The following MCTP1 variants were observed in gnomAD, a reference collection of about 807,000 sequenced individuals.
The protein encoded by MCTP1 is multiple C2 and transmembrane domain containing 1.
A neutral mutation model predicts 120.6 loss-of-function variants in MCTP1; 69 were observed. The ratio of observed to expected loss-of-function variants is 0.57; its 90% confidence interval spans 0.47 to 0.70. MCTP1 has a LOEUF of 0.70. Ranked by LOEUF, MCTP1 falls within the 30% of genes least tolerant of loss-of-function variation. The pLI is 0.00. For synonymous variants in MCTP1, 529 were observed against 493.1 expected, an observed-to-expected ratio of 1.07 and a Z score of -0.96; for missense variants, 1,203 against 1,248.8, an observed-to-expected ratio of 0.96 and a Z score of 0.55.
rs1797734996 is a variant in MCTP1, at chr5:94,870,939, T to C, written c.2174A>G (p.Lys725Arg). ...TGTTGGCCCTGTCAGCTGCTTGTTT[T>C]TCAAGACGTAGGCTTTCTGTTCACC... ...QNGEQKAYVL[K>R]NKQLTGPTKG... Residue 725 changes from lysine (K) to arginine (R), a missense_variant, in exon 15 of 23, where the codon AAA becomes AGA. Physicochemically the swap from Lys to Arg is conservative, Grantham distance 26. Coordinates refer to ENST00000515393, the MANE Select transcript of MCTP1 (RefSeq NM_024717.7). 6.2e-7 allele frequency: 1 copy of C among 1,613,136 alleles called. No homozygotes were observed. The highest frequency in any genetic ancestry group is 1.1e-5 in the South Asian group (1 of 91,074).
chr5:94,723,834 C>T (rs1240258269), intron 19 of MCTP1, among the ~76,000 whole-genome samples: 3 of 150,536 alleles, frequency 2.0e-5, no homozygotes, highest in Non-Finnish European at 4.4e-5. Context: ...GCAGCTGGCA[C>T]TCTAAATGTT....
At chr5:95,270,421 T>C (rs768539053) in intron 1 of MCTP1, among the ~76,000 whole-genome samples, 2 of 152,264 alleles carry the variant, frequency 1.3e-5, no homozygotes, top group Non-Finnish European at 2.9e-5. Flanking sequence ...ACACTTAGAA[T>C]AGTGCCTTAT....
intron 17 of MCTP1, among the ~76,000 whole-genome samples, chr5:94,809,477 C>G (rs536082925): frequency 5.7e-4 from 86 of 152,212 alleles, no homozygotes; most frequent in African/African-American, 1.9e-3. Context: ...ATGAAAGTGA[C>G]AAATGCTTAT....
intron 19 of MCTP1, among the ~76,000 whole-genome samples, chr5:94,722,855 G>A (rs1761222856): frequency 1.3e-5 from 2 of 152,124 alleles, no homozygotes; most frequent in South Asian, 4.1e-4. Flanking sequence ...TTTGGAATAT[G>A]TTTATGTTTC....
chr5:95,169,092 G>C (rs1217674027), intron 1 of MCTP1, among the ~76,000 whole-genome samples: 1 of 152,270 alleles, frequency 6.6e-6, no homozygotes, highest in East Asian at 1.9e-4. Context: ...AATTTATTGA[G>C]TTTTTATCAT....
intron 1 of MCTP1, among the ~76,000 whole-genome samples, chr5:95,252,383 C>G (rs1334831982): frequency 6.6e-6 from 1 of 152,106 alleles, no homozygotes; most frequent in East Asian, 1.9e-4. Context: ...AAAGATGGTT[C>G]TCTGTTCTCT....
intron 17 of MCTP1, among the ~76,000 whole-genome samples, chr5:94,836,735 C>T (rs991931075): frequency 6.6e-6 from 1 of 152,140 alleles, no homozygotes; most frequent in East Asian, 1.9e-4. Context: ...ATAAAATTTG[C>T]AATTTCCTAT....
chr5:94,826,203 G>T (rs934945093), intron 17 of MCTP1: 103 of 407,466 alleles, frequency 2.5e-4, no homozygotes, highest in Non-Finnish European at 3.2e-4. Flanking sequence ...CAAGCAATTT[G>T]CTTCTTATTG....
At chr5:94,919,504 C>A (rs1055040559) in intron 7 of MCTP1, among the ~76,000 whole-genome samples, 3 of 152,094 alleles carry the variant, frequency 2.0e-5, no homozygotes, top group African/African-American at 7.2e-5. Context: ...CTGTGTACAA[C>A]CTAATCTTTC....
chr5:95,254,332 T>C (rs968039131), intron 1 of MCTP1, among the ~76,000 whole-genome samples: 20 of 152,164 alleles, frequency 1.3e-4, no homozygotes, highest in African/African-American at 4.6e-4. Flanking sequence ...AGTACCCCTA[T>C]GAGACAATTA....
At chr5:95,143,393 A>G (rs555112070) in intron 1 of MCTP1, among the ~76,000 whole-genome samples, 76 of 152,106 alleles carry the variant, frequency 5.0e-4, no homozygotes, top group African/African-American at 1.7e-3. Flanking sequence ...CAGAAATGCA[A>G]CTCCTCAGCT....
At chr5:94,814,296 A>G (rs552338665) in intron 17 of MCTP1, among the ~76,000 whole-genome samples, 4 of 152,326 alleles carry the variant, frequency 2.6e-5, no homozygotes, top group Admixed American at 2.6e-4. Flanking sequence ...AATACAAATA[A>G]CTGAGAGAAA....
In MCTP1 at chr5:94,962,290, C is replaced by T. The variant is rs558450769; in HGVS notation, c.839-8929G>A. Among the ~76,000 whole-genome samples, 114 of 152,058 alleles carry T rather than the reference C, an allele frequency of 7.5e-4. No homozygotes were observed. In the South Asian group the frequency reaches 9.4e-3, roughly 12 times the overall value. On this transcript the variant is annotated intron_variant, in intron 2 of 22. Coordinates refer to ENST00000515393, the MANE Select transcript of MCTP1 (RefSeq NM_024717.7). ...ACTATTTAATCCAACAATCCCACTACGGGGTATCTGCCCACAGGAAAAGAT... is the reference window on the plus strand; with the variant it reads ...ACTATTTAATCCAACAATCCCACTATGGGGTATCTGCCCACAGGAAAAGAT...
At chr5:95,091,216 A>G in intron 1 of MCTP1, among the ~76,000 whole-genome samples, 1 of 152,090 alleles carries the variant, frequency 6.6e-6, no homozygotes, top group East Asian at 1.9e-4. Context: ...GCTAAGAGCC[A>G]ATTGTTCTCC....
At chr5:95,006,281 A>G (rs1031808723) in intron 2 of MCTP1, among the ~76,000 whole-genome samples, 1 of 151,728 alleles carries the variant, frequency 6.6e-6, no homozygotes, top group Non-Finnish European at 1.5e-5. Flanking sequence ...ACACATATAC[A>G]TATATATGTA....
chr5:95,102,637 G>C (rs1756820490), intron 1 of MCTP1, among the ~76,000 whole-genome samples: 1 of 152,142 alleles, frequency 6.6e-6, no homozygotes, highest in African/African-American at 2.4e-5. Flanking sequence ...AAAGAACCCA[G>C]GGACTAGCAG....
intron 1 of MCTP1, among the ~76,000 whole-genome samples, chr5:95,282,506 T>C (rs922040041): frequency 3.3e-5 from 5 of 152,316 alleles, no homozygotes; most frequent in African/African-American, 1.2e-4. Context: ...CTTTAATATA[T>C]AGTATTCATC....
intron 1 of MCTP1, among the ~76,000 whole-genome samples, chr5:95,036,308 T>G (rs1841283489): frequency 6.6e-6 from 1 of 152,182 alleles, no homozygotes; most frequent in Middle Eastern, 3.2e-3. Flanking sequence ...ATTTTTGAGA[T>G]TATAACAATT....
intron 1 of MCTP1, among the ~76,000 whole-genome samples, chr5:95,108,122 G>A (rs1037064372): frequency 4.6e-5 from 7 of 152,110 alleles, no homozygotes; most frequent in African/African-American, 1.2e-4. Context: ...ATCTGTGCTC[G>A]GCATTCTCCT....
Sources: gnomAD v4.1 joint callset for allele counts (sites outside exome capture counted in the v4.1 genomes callset) on GRCh38, gnomAD v4.1.1 for gene constraint, MANE v1.5 for transcripts, NCBI Gene and HGNC (gene_info 2026-07-23, HGNC 2026-07-21) for gene names.